FAM118A: variants seen among roughly 807,000 people sequenced by gnomAD.
FAM118A encodes the protein protein FAM118A.
FAM118A carries 25 observed loss-of-function variants against 38.2 expected under a neutral mutation model. The observed-to-expected ratio is 0.65, with a 90% CI of 0.48 to 0.91. FAM118A has a LOEUF of 0.91. Ranked by LOEUF, FAM118A falls within the 40% of genes least tolerant of loss-of-function variation. The pLI is 0.00. For missense variants in FAM118A, 425 were observed against 463.3 expected, an observed-to-expected ratio of 0.92 and a Z score of 0.76; for synonymous variants, 178 against 184.1, an observed-to-expected ratio of 0.97 and a Z score of 0.27.
chr22:45,339,274 C>CTGT (rs1250968330), intron 8 of FAM118A, among the ~76,000 whole-genome samples: 1 of 152,162 alleles, frequency 6.6e-6, no homozygotes, highest in Non-Finnish European at 1.5e-5. Context: ...CGGGCGCCTA[C>CTGT]TGTAGTCCCA....
intron 3 of FAM118A, among the ~76,000 whole-genome samples, chr22:45,324,916 A>C (rs111890118): frequency 1.3e-5 from 2 of 152,172 alleles, no homozygotes; most frequent in Non-Finnish European, 2.9e-5. Flanking sequence ...GCGTGGTGGC[A>C]GGCGCCTGTA....
At chr22:45,329,008 A>T (rs1261137145) in intron 4 of FAM118A, 1 of 153,750 alleles carries the variant, frequency 6.5e-6, no homozygotes. Context: ...AAATGACCAG[A>T]TTTCTCAAGA....
At chr22:45,316,661 T>C (rs2084619957) in intron 1 of FAM118A, among the ~76,000 whole-genome samples, 1 of 152,178 alleles carries the variant, frequency 6.6e-6, no homozygotes, top group Non-Finnish European at 1.5e-5. Flanking sequence ...TTAAATTTAG[T>C]ATTTCCCAGC....
intron 6 of FAM118A, chr22:45,335,119 A>G: frequency 1.9e-6 from 1 of 536,342 alleles, no homozygotes; most frequent in South Asian, 2.8e-5. Flanking sequence ...GTGATCGCGG[A>G]CACCACACCA....
chr22:45,318,008 C>T (rs931293571), intron 1 of FAM118A, among the ~76,000 whole-genome samples: 4 of 152,316 alleles, frequency 2.6e-5, no homozygotes, highest in East Asian at 1.9e-4. Flanking sequence ...CATCCTACCA[C>T]GGTAGGGTTG....
At chr22:45,331,146 C>G (rs1377644601) in intron 5 of FAM118A, among the ~76,000 whole-genome samples, 2 of 152,102 alleles carry the variant, frequency 1.3e-5, no homozygotes, top group Non-Finnish European at 2.9e-5. Context: ...ATTCTCTGCT[C>G]TCCTTCCTGT....
chr22:45,311,528 C>G (rs1220705730), intron 1 of FAM118A, among the ~76,000 whole-genome samples: 1 of 152,086 alleles, frequency 6.6e-6, no homozygotes, highest in Non-Finnish European at 1.5e-5. Context: ...TTGCAGAGTA[C>G]TGGGTTTGAG....
chr22:45,323,523 G>T, intron 3 of FAM118A, 96 bp downstream of exon 3: 9 of 1,485,594 alleles, frequency 6.1e-6, no homozygotes, highest in Non-Finnish European at 1.8e-6. Flanking sequence ...GGCCTAACTT[G>T]TGTTCAGTGC....
At chr22:45,322,214 A>G in intron 1 of FAM118A, 157 bp from the exon 2 acceptor site, 1 of 1,534,288 alleles carries the variant, frequency 6.5e-7, no homozygotes, top group Non-Finnish European at 8.8e-7. Context: ...AGCATTTTGG[A>G]TGTACGTCAT....
At chr22:45,326,548 C>T (rs531457880) in intron 3 of FAM118A, among the ~76,000 whole-genome samples, 19 of 152,138 alleles carry the variant, frequency 1.2e-4, no homozygotes, top group East Asian at 1.9e-4. Flanking sequence ...AAATTTAGGC[C>T]GGGTATAGTG....
intron 3 of FAM118A, among the ~76,000 whole-genome samples, chr22:45,327,045 T>TG (rs1459791964): frequency 6.7e-6 from 1 of 149,246 alleles, no homozygotes; most frequent in East Asian, 2.0e-4. Flanking sequence ...AAAAATGAAA[T>TG]AAAATAATAT....
intron 6 of FAM118A, among the ~76,000 whole-genome samples, chr22:45,334,871 G>A (rs1439154858): frequency 2.0e-5 from 3 of 152,182 alleles, no homozygotes; most frequent in African/African-American, 7.2e-5. Context: ...TGGAAGAACA[G>A]GACCCAGAGT....
chr22:45,332,974 C>A (rs1656562868), intron 6 of FAM118A, among the ~76,000 whole-genome samples: 1 of 152,006 alleles, frequency 6.6e-6, no homozygotes, highest in African/African-American at 2.4e-5. Context: ...AACTCCTGAC[C>A]TCAGGTGACC....
At chr22:45,333,942 C>T (rs2085908504) in intron 6 of FAM118A, among the ~76,000 whole-genome samples, 1 of 152,202 alleles carries the variant, frequency 6.6e-6, no homozygotes, top group African/African-American at 2.4e-5. Flanking sequence ...AGAAGGAAAA[C>T]TACCAGGCTA....
At chr22:45,337,279 A>G (rs951141997) in intron 8 of FAM118A, among the ~76,000 whole-genome samples, 2 of 152,198 alleles carry the variant, frequency 1.3e-5, no homozygotes, top group African/African-American at 4.8e-5. Flanking sequence ...AAGTTGGCAA[A>G]CAAAAGCATT....
Position 45,332,689 on chromosome 22 carries a change from A to G in FAM118A, c.916A>G (p.Ile306Val). 6.2e-7 allele frequency: 1 copy of G among 1,604,874 alleles called. No individual in the cohort carries two copies. Residue 306 changes from isoleucine to valine, a missense_variant, in exon 6 of 9, where the codon ATC becomes GTC. By Grantham distance (29) the Ile-to-Val change is conservative. Transcript: ENST00000441876. Reference sequence around the variant, plus strand: ...ATATGTGCAAGACCTTGCCACTCAGATCTGCAAACAGCAAAGCCCAGGTAT... The same window carrying G: ...ATATGTGCAAGACCTTGCCACTCAGGTCTGCAAACAGCAAAGCCCAGGTAT... ...PGYVQDLATQ[I>V]CKQQSPDADR...
chr22:45,309,528 TG>T (rs1257100891), upstream of FAM118A: 1 of 152,246 alleles, frequency 6.6e-6, no homozygotes, highest in African/African-American at 2.4e-5. Context: ...TGCCTAAGTG[TG>T]GTGCAGGATG....
chr22:45,315,690 G>A (rs2084575962), intron 1 of FAM118A, among the ~76,000 whole-genome samples: 1 of 151,392 alleles, frequency 6.6e-6, no homozygotes, highest in African/African-American at 2.4e-5. Flanking sequence ...GTTTAGAGAG[G>A]TCTACCTGGC....
intron 4 of FAM118A, among the ~76,000 whole-genome samples, chr22:45,330,089 A>G (rs374047811): frequency 1.5e-4 from 23 of 152,244 alleles, no homozygotes; most frequent in Admixed American, 1.4e-3. Flanking sequence ...ATTAAAATAT[A>G]ACATATAACT....
Sources: allele counts gnomAD v4.1 joint callset (sites outside exome capture counted in the v4.1 genomes callset), GRCh38; gene constraint gnomAD v4.1.1; transcripts MANE v1.5; gene names NCBI Gene and HGNC (gene_info 2026-07-23, HGNC 2026-07-21).